The following MYO1D variants were observed in gnomAD, a reference collection of about 807,000 sequenced individuals.
The protein encoded by MYO1D is unconventional myosin-Id.
In MYO1D, 83 loss-of-function variants were observed where a neutral mutation model predicts 122.0. The observed-to-expected ratio is 0.68, with a 90% CI of 0.57 to 0.82. The LOEUF (loss-of-function observed/expected upper bound fraction) is 0.82, where lower values mean the gene tolerates loss of function less well. MYO1D is among the 40% of genes least tolerant of loss of function. The pLI is 0.00. For synonymous variants in MYO1D, 464 were observed against 446.9 expected, an observed-to-expected ratio of 1.04 and a Z score of -0.48; for missense variants, 1,157 against 1,269.5, an observed-to-expected ratio of 0.91 and a Z score of 1.35.
At chr17:32,716,813 G>C (rs984353105) in intron 15 of MYO1D, among the ~76,000 whole-genome samples, 1 of 152,220 alleles carries the variant, frequency 6.6e-6, no homozygotes, top group Non-Finnish European at 1.5e-5. Flanking sequence ...CCAGCAAACT[G>C]CATGACCCTG....
At chr17:32,552,447 T>TCCATCCAC (rs1567887133) in intron 21 of MYO1D, among the ~76,000 whole-genome samples, 2 of 151,772 alleles carry the variant, frequency 1.3e-5, no homozygotes, top group Non-Finnish European at 2.9e-5. Context: ...CATCCATCCA[T>TCCATCCAC]CCATCCATCC....
intron 16 of MYO1D, among the ~76,000 whole-genome samples, chr17:32,668,728 G>C (rs1410364997): frequency 1.3e-5 from 2 of 149,348 alleles, no homozygotes; most frequent in African/African-American, 4.9e-5. Context: ...TTGAGATGGA[G>C]TCTCACTCTG....
At chr17:32,640,816 A>G (rs2088188250) in intron 19 of MYO1D, among the ~76,000 whole-genome samples, 1 of 151,944 alleles carries the variant, frequency 6.6e-6, no homozygotes, top group African/African-American at 2.4e-5. Flanking sequence ...TTGTGAAAGT[A>G]AGGGTCCATG....
rs60912187 is a variant in MYO1D at position 32,673,090 on chromosome 17, C to CTTTTTTTTTTTTTTTTTTTTTT, written c.2122-13774_2122-13753dup. Among the ~76,000 whole-genome samples the CTTTTTTTTTTTTTTTTTTTTTT allele has an allele frequency of 4.9e-4, 14 of 28,654 alleles. 5 individuals are homozygous for CTTTTTTTTTTTTTTTTTTTTTT. Among genetic ancestry groups the CTTTTTTTTTTTTTTTTTTTTTT allele is most frequent in the Admixed American group, 3.2e-3 (5 of 1,544 alleles). 18.8% of individuals were successfully genotyped at this position (28,654 alleles called of 152,430 possible). ...TGTAAGGAATTACATAAACATGCTACTTTTTTTTTTTTTTTTTTTTTTTTT... is the reference window on the plus strand; with the variant it reads ...TGTAAGGAATTACATAAACATGCTACTTTTTTTTTTTTTTTTTTTTTTTTTTTTTTTTTTTTTTTTTTTTTTT... On this transcript the variant is annotated intron_variant, in intron 16 of 21. Coordinates refer to ENST00000318217, the MANE Select transcript of MYO1D (RefSeq NM_015194.3).
intron 8 of MYO1D, among the ~76,000 whole-genome samples, chr17:32,764,593 C>CA (rs1159412563): frequency 6.6e-6 from 1 of 152,144 alleles, no homozygotes; most frequent in Non-Finnish European, 1.5e-5. Context: ...GATCAGAGCT[C>CA]AGTCAGTTGA....
chr17:32,553,276 C>T (rs1008998536), intron 21 of MYO1D, among the ~76,000 whole-genome samples: 1 of 152,110 alleles, frequency 6.6e-6, no homozygotes, highest in African/African-American at 2.4e-5. Flanking sequence ...GAGAGATGAA[C>T]TATAGTGCCA....
chr17:32,611,069 C>G (rs1182325317), intron 20 of MYO1D, among the ~76,000 whole-genome samples: 1 of 152,102 alleles, frequency 6.6e-6, no homozygotes, highest in Non-Finnish European at 1.5e-5. Flanking sequence ...CTAAGAAGGA[C>G]CAAACAGTGA....
intron 21 of MYO1D, among the ~76,000 whole-genome samples, chr17:32,546,531 C>T (rs1432661561): frequency 3.3e-5 from 5 of 152,244 alleles, no homozygotes; most frequent in African/African-American, 4.8e-5. Context: ...CATTTCTCTT[C>T]TGTGCCGGTT....
At chr17:32,804,535 C>T (rs2090492571) in intron 1 of MYO1D, among the ~76,000 whole-genome samples, 1 of 152,174 alleles carries the variant, frequency 6.6e-6, no homozygotes, top group African/African-American at 2.4e-5. Context: ...TGATCTTTCT[C>T]CCTCCACTGG....
At chr17:32,670,822 C>T (rs2088707155) in intron 16 of MYO1D, among the ~76,000 whole-genome samples, 1 of 152,218 alleles carries the variant, frequency 6.6e-6, no homozygotes, top group Admixed American at 6.5e-5. Context: ...CCCGCCTGTC[C>T]CCTCTCTACT....
chr17:32,662,544 G>A (rs879477061), intron 16 of MYO1D, among the ~76,000 whole-genome samples: 2 of 152,110 alleles, frequency 1.3e-5, no homozygotes, highest in Non-Finnish European at 2.9e-5. Context: ...GTGGTGGTGC[G>A]CGTCTGTAAT....
At chr17:32,777,640 C>A (rs2151027103) in intron 3 of MYO1D, among the ~76,000 whole-genome samples, 1 of 152,220 alleles carries the variant, frequency 6.6e-6, no homozygotes, top group Non-Finnish European at 1.5e-5. Flanking sequence ...GGCATGAAAT[C>A]CTTTTAGAAA....
At chr17:32,782,049 C>T (rs2090244440) in intron 1 of MYO1D, among the ~76,000 whole-genome samples, 1 of 152,214 alleles carries the variant, frequency 6.6e-6, no homozygotes, top group African/African-American at 2.4e-5. Context: ...TGTCTCTAAG[C>T]ACGCTTGCTT....
At chr17:32,745,337 C>A in intron 12 of MYO1D, 52 bp from the exon 13 acceptor site, 1 of 1,225,338 alleles carries the variant, frequency 8.2e-7, no homozygotes, top group Non-Finnish European at 1.2e-6. Context: ...GCAAGAGCCA[C>A]ATTTAAGTTT....
At chr17:32,670,396 C>A (rs1597990632) in intron 16 of MYO1D, among the ~76,000 whole-genome samples, 1 of 152,022 alleles carries the variant, frequency 6.6e-6, no homozygotes, top group Admixed American at 6.6e-5. Flanking sequence ...TATATATACA[C>A]ACAAATAGAT....
intron 16 of MYO1D, chr17:32,686,527 G>A (rs543014806): frequency 2.0e-5 from 3 of 152,262 alleles, no homozygotes; most frequent in South Asian, 2.1e-4. Flanking sequence ...GGACACTAAC[G>A]CAGGTGGTCT....
intron 1 of MYO1D, among the ~76,000 whole-genome samples, chr17:32,837,248 CCTTTT>C (rs1362644712): frequency 8.3e-6 from 1 of 120,874 alleles, no homozygotes; most frequent in African/African-American, 2.8e-5. Context: ...AAAGTGCCTG[CCTTTT>C]CTTTTTTTTT....
chr17:32,841,165 C>T (rs992656708), intron 1 of MYO1D, among the ~76,000 whole-genome samples: 2 of 152,074 alleles, frequency 1.3e-5, no homozygotes, highest in African/African-American at 4.8e-5. Context: ...ATGGGTTTAT[C>T]AGGCTGTAAC....
At chr17:32,558,900 G>A (rs987477762) in intron 21 of MYO1D, among the ~76,000 whole-genome samples, 3 of 152,158 alleles carry the variant, frequency 2.0e-5, no homozygotes, top group African/African-American at 7.2e-5. Flanking sequence ...ACCCTTCCAT[G>A]CCTCAGTTTC....
Sources: gnomAD v4.1 joint callset for allele counts (sites outside exome capture counted in the v4.1 genomes callset) on GRCh38, gnomAD v4.1.1 for gene constraint, MANE v1.5 for transcripts, NCBI Gene and HGNC (gene_info 2026-07-23, HGNC 2026-07-21) for gene names.